The following B3GALT1 variants were observed in gnomAD, a reference collection of about 807,000 sequenced individuals.
B3GALT1 encodes beta-1,3-galactosyltransferase 1, also known as UDP-Gal:betaGlcNAc beta 1,3-galactosyltransferase, polypeptide 1.
In B3GALT1, 10 loss-of-function variants were observed where a neutral mutation model predicts 23.2. The observed-to-expected ratio is 0.43, with a 90% confidence interval of 0.27 to 0.73. The LOEUF (loss-of-function observed/expected upper bound fraction) is 0.73, where lower values mean the gene tolerates loss of function less well. Ranked by LOEUF, B3GALT1 falls within the 30% of genes least tolerant of loss-of-function variation. The pLI is 0.21. For missense variants in B3GALT1, 299 were observed against 405.4 expected (o/e 0.74, Z 2.25); for synonymous variants, 156 against 141.5 (o/e 1.10, Z -0.73).
chr2:167,497,139 CAAAA>C (rs1390860077), intron 2 of B3GALT1, among the ~76,000 whole-genome samples: 1 of 151,758 alleles, frequency 6.6e-6, no homozygotes, highest in Non-Finnish European at 1.5e-5. Context: ...AAATGGTAAA[CAAAA>C]AGAGCAATAT....
intron 1 of B3GALT1, among the ~76,000 whole-genome samples, chr2:167,480,777 G>T (rs989260986): frequency 6.6e-6 from 1 of 152,130 alleles, no homozygotes; most frequent in Non-Finnish European, 1.5e-5. Flanking sequence ...TGAGTCCCCA[G>T]TACAAGAGTG....
At chr2:167,558,161 C>T (rs1237347093) in intron 2 of B3GALT1, 1 of 152,028 alleles carries the variant, frequency 6.6e-6, no homozygotes, top group African/African-American at 2.4e-5. Flanking sequence ...TGTGTGACAA[C>T]CTGAAAAAGA....
chr2:167,717,533 C>T (rs1313578041), intron 3 of B3GALT1, among the ~76,000 whole-genome samples: 2 of 151,926 alleles, frequency 1.3e-5, no homozygotes, highest in East Asian at 1.9e-4. Flanking sequence ...TTTCCTTTGT[C>T]GCCACACCTG....
chr2:167,514,154 A>G (rs1158647747), intron 2 of B3GALT1, among the ~76,000 whole-genome samples: 3 of 152,010 alleles, frequency 2.0e-5, no homozygotes, highest in Non-Finnish European at 4.4e-5. Flanking sequence ...TGATCTGCCC[A>G]CCTCAGCCTC....
rs115483586 is a variant in B3GALT1 at position 167,396,002 on chromosome 2, C to T, written c.-510-94175C>T. Among the ~76,000 whole-genome samples the T allele has an allele frequency of 6.5e-3, 987 of 152,168 alleles. 6 individuals carry two copies. The highest frequency in any genetic ancestry group is 0.011 in the Non-Finnish European group (739 of 67,964). On this transcript the variant is annotated intron_variant, in intron 1 of 4. Coordinates refer to ENST00000392690, the MANE Select transcript of B3GALT1 (RefSeq NM_020981.4). ...ATATTTTCTCACTGGTGCCCCTACC[C>T]TCACCCCTCCAGAGAATTTTAAAAT...
rs1690359356 is a variant in B3GALT1, at chr2:167,872,001, AC to A, written c.*1982del. 1 of 136,476 alleles carries A rather than the reference AC, an allele frequency of 7.3e-6. No homozygotes were observed. The highest frequency in any genetic ancestry group is 1.5e-5 in the Non-Finnish European group (1 of 66,078). 8.5% of individuals were successfully genotyped at this position (136,476 alleles called of 1,614,324 possible). ...ACTGCAAGCTCCGCCTCCCGGGTTCACGCCATTCTCCTGCCTCAGCCTCCCG... is the reference window on the plus strand; with the variant it reads ...ACTGCAAGCTCCGCCTCCCGGGTTCAGCCATTCTCCTGCCTCAGCCTCCCG... On this transcript the variant is annotated 3_prime_UTR_variant, in exon 5 of 5. Transcript: ENST00000392690.
At chr2:167,520,056 A>G (rs1292201810) in intron 2 of B3GALT1, among the ~76,000 whole-genome samples, 3 of 150,036 alleles carry the variant, frequency 2.0e-5, no homozygotes, top group African/African-American at 7.4e-5. Flanking sequence ...AAAAAAAAAG[A>G]AAAGAAAGAA....
At chr2:167,836,879 T>G (rs949728703) in intron 4 of B3GALT1, among the ~76,000 whole-genome samples, 5 of 152,242 alleles carry the variant, frequency 3.3e-5, no homozygotes, top group Admixed American at 6.5e-5. Context: ...TATTCAACAT[T>G]CTTAAAGAAA....
chr2:167,559,418 C>T (rs527899439), intron 2 of B3GALT1, among the ~76,000 whole-genome samples: 12 of 152,312 alleles, frequency 7.9e-5, no homozygotes, highest in East Asian at 3.9e-4. Context: ...TCCAAAGGAA[C>T]GCAATTCCTC....
chr2:167,447,183 G>A (rs893894040), intron 1 of B3GALT1, among the ~76,000 whole-genome samples: 29 of 152,230 alleles, frequency 1.9e-4, no homozygotes, highest in African/African-American at 6.0e-4. Flanking sequence ...AGCTAATATC[G>A]CAGAACAGCA....
intron 1 of B3GALT1, among the ~76,000 whole-genome samples, chr2:167,321,440 A>G (rs989109104): frequency 3.3e-5 from 5 of 152,014 alleles, no homozygotes; most frequent in Admixed American, 3.3e-4. Context: ...TGTACCACCT[A>G]CTTAAACAGC....
At chr2:167,856,597 C>T (rs988086840) in intron 4 of B3GALT1, among the ~76,000 whole-genome samples, 10 of 152,052 alleles carry the variant, frequency 6.6e-5, no homozygotes, top group African/African-American at 2.4e-4. Flanking sequence ...GAATCCAAAG[C>T]GGGAGTGAAA....
At chr2:167,493,851 A>G (rs1031585980) in intron 2 of B3GALT1, among the ~76,000 whole-genome samples, 1 of 152,110 alleles carries the variant, frequency 6.6e-6, no homozygotes, top group Non-Finnish European at 1.5e-5. Context: ...TTCAGAACTA[A>G]ATATCTGATT....
chr2:167,357,021 T>C (rs1053502141), intron 1 of B3GALT1, among the ~76,000 whole-genome samples: 12 of 151,060 alleles, frequency 7.9e-5, no homozygotes, highest in East Asian at 3.9e-4. Flanking sequence ...AGTTTGTATG[T>C]GTGTGTGTGT....
At chr2:167,646,016 C>A (rs930197712) in intron 2 of B3GALT1, among the ~76,000 whole-genome samples, 1 of 152,102 alleles carries the variant, frequency 6.6e-6, no homozygotes, top group Non-Finnish European at 1.5e-5. Flanking sequence ...AGCCTGAATA[C>A]CCTTTCCTGG....
intron 4 of B3GALT1, among the ~76,000 whole-genome samples, chr2:167,865,513 C>T (rs367937997): frequency 2.6e-5 from 4 of 151,594 alleles, no homozygotes; most frequent in Admixed American, 1.3e-4. Context: ...TAAATGGGGC[C>T]GGGCACAGTG....
rs1378943050 is a variant in B3GALT1 at position 167,308,022 on chromosome 2, C to A, written c.-511+14688C>A. ...AATGGGAAAATAGTTGCTATCCCAT[C>A]AAGCATTTTGTGGAGAGTAATATTA... On this transcript the variant is annotated intron_variant, in intron 1 of 4. Coordinates refer to ENST00000392690, the MANE Select transcript of B3GALT1 (RefSeq NM_020981.4). Among the ~76,000 whole-genome samples, 6 of 151,934 alleles carry A rather than the reference C, an allele frequency of 3.9e-5. No individual in the cohort carries two copies. In the South Asian group the frequency reaches 1.0e-3, roughly 26 times the overall value.
intron 2 of B3GALT1, among the ~76,000 whole-genome samples, chr2:167,545,388 C>T (rs1683618535): frequency 6.6e-6 from 1 of 152,012 alleles, no homozygotes; most frequent in South Asian, 2.1e-4. Context: ...TTTTCCTTTT[C>T]CTATCCTATA....
intron 1 of B3GALT1, among the ~76,000 whole-genome samples, chr2:167,489,274 A>G (rs1218137200): frequency 6.6e-6 from 1 of 152,202 alleles, no homozygotes; most frequent in Non-Finnish European, 1.5e-5. Flanking sequence ...ACACTTCTGT[A>G]GATAATGACC....
Sources: gnomAD v4.1 joint callset for allele counts (sites outside exome capture counted in the v4.1 genomes callset) on GRCh38, gnomAD v4.1.1 for gene constraint, MANE v1.5 for transcripts, NCBI Gene and HGNC (gene_info 2026-07-23, HGNC 2026-07-21) for gene names.